The following SLCO6A1 variants were observed in gnomAD, a reference collection of about 807,000 sequenced individuals.
SLCO6A1 encodes solute carrier organic anion transporter family member 6A1.
In SLCO6A1, 65 loss-of-function variants were observed where a neutral mutation model predicts 72.7. The ratio of observed to expected loss-of-function variants is 0.89; its 90% CI spans 0.73 to 1.10. The LOEUF (loss-of-function observed/expected upper bound fraction) is 1.10, where lower values mean the gene tolerates loss of function less well. Ranked by LOEUF, SLCO6A1 falls within the 50% of genes least tolerant of loss-of-function variation. SLCO6A1 has a pLI of 0.00. For synonymous variants in SLCO6A1, 314 were observed against 298.2 expected, an observed-to-expected ratio of 1.05 and a Z score of -0.55; for missense variants, 874 against 872.6, an observed-to-expected ratio of 1.00 and a Z score of -0.02.
chr5:102,459,549 G>T, intron 5 of SLCO6A1, 107 bp downstream of exon 5: 1 of 1,244,430 alleles, frequency 8.0e-7, no homozygotes, highest in Middle Eastern at 2.1e-4. Flanking sequence ...TACAGCGAGA[G>T]GCATACTCAT....
rs150865774 is a variant in SLCO6A1, at chr5:102,420,255, G to A, written c.1277-234C>T. Among the ~76,000 whole-genome samples, 634 of 152,312 alleles carry A rather than the reference G, an allele frequency of 4.2e-3. 6 individuals are homozygous for A. Among genetic ancestry groups the A allele is most frequent in the South Asian group, 0.028 (133 of 4,824 alleles). On this transcript the variant is annotated intron_variant, in intron 7 of 13. Coordinates refer to ENST00000506729, the MANE Select transcript of SLCO6A1 (RefSeq NM_173488.5). ...CTACTGACTTCAGGGCAGTGATGGT[G>A]AAGTTTTGGTCCTTTATAGTAATGC...
chr5:102,374,994 A>T (rs1338972916), intron 12 of SLCO6A1, among the ~76,000 whole-genome samples: 6 of 152,166 alleles, frequency 3.9e-5, no homozygotes, highest in Non-Finnish European at 8.8e-5. Context: ...AGTGGAGGTG[A>T]TCCGACTTTT....
At chr5:102,459,852 G>A (rs11749193) in intron 4 of SLCO6A1, 75 bp from the exon 5 acceptor site, 331,048 of 1,299,414 alleles carry the variant, frequency 0.25, 46,276 homozygotes, top group Middle Eastern at 0.28. Flanking sequence ...CAAACAGAGT[G>A]GAGAAAGTGA....
intron 7 of SLCO6A1, among the ~76,000 whole-genome samples, chr5:102,435,856 C>T (rs948743164): frequency 6.9e-6 from 1 of 143,894 alleles, no homozygotes; most frequent in Non-Finnish European, 1.5e-5. Flanking sequence ...GCCTGGGCAA[C>T]AAGAGTGAAA....
chr5:102,474,950 G>A (rs1751819120), intron 4 of SLCO6A1, among the ~76,000 whole-genome samples: 1 of 152,024 alleles, frequency 6.6e-6, no homozygotes, highest in African/African-American at 2.4e-5. Context: ...TGGTGAGGAT[G>A]TGGAGAAATT....
Position 102,477,690 on chromosome 5 carries a change from G to A in SLCO6A1, c.788C>T (p.Ala263Val), listed in dbSNP as rs1751975923. 6.2e-7 allele frequency: 1 copy of A among 1,612,060 alleles called. No homozygotes were observed. Among genetic ancestry groups the A allele is most frequent in the East Asian group, 2.2e-5 (1 of 44,836 alleles). The change falls in exon 3 of 14, where the codon GCT becomes GTT. Residue 263 changes from alanine (A) to valine (V), a missense_variant. Physicochemically the swap from Ala to Val is moderately conservative, Grantham distance 64. Transcript: ENST00000506729. Reference protein sequence around the residue: ...FIDENVATHSAGIYLGIAECT... With the variant: ...FIDENVATHSVGIYLGIAECT... ...GTAAAACTTGCCTAAATAGATACCA[G>A]CTGAGTGTGTAGCAACATTCTCATC...
rs191768422 is a variant in SLCO6A1 at position 102,477,020 on chromosome 5, T to G, written c.802+656A>C. 5.0e-3 allele frequency among the ~76,000 whole-genome samples: 760 copies of G among 152,278 alleles called. 5 individuals are homozygous for G. The highest frequency in any genetic ancestry group is 0.013 in the South Asian group (61 of 4,830). On this transcript the variant is annotated intron_variant, in intron 3 of 13. Coordinates refer to ENST00000506729, the MANE Select transcript of SLCO6A1 (RefSeq NM_173488.5). ...GTGGCATAGACATTGTAAATAGGGA[T>G]AGTATGCTATTATTAATTAAGTATA...
chr5:102,419,987 C>T lies in SLCO6A1; in HGVS notation c.1311G>A (p.Gln437=). The T allele has an allele frequency of 1.9e-6, 3 of 1,586,072 alleles. No individual in the cohort carries two copies. Among genetic ancestry groups the T allele is most frequent in the Non-Finnish European group, 2.6e-6 (3 of 1,172,162 alleles). The stretch of plus-strand genomic sequence containing the variant: ...TGGAAACAATGACACCTCCCAGAAG[C>T]TGGCCAAGTGCACCTCCTGGAATTA... The part of the protein sequence containing the change: ...LVLIPGGALG[Q]LLGGVIVSTL... Residue 437 remains glutamine (Q), a synonymous_variant, in exon 8 of 14, where the codon CAG becomes CAA. Transcript: ENST00000506729.
At chr5:102,487,661 G>A (rs1752502385) in intron 1 of SLCO6A1, among the ~76,000 whole-genome samples, 1 of 152,116 alleles carries the variant, frequency 6.6e-6, no homozygotes, top group Non-Finnish European at 1.5e-5. Context: ...ATACCAAGTG[G>A]GTGGCAGAAC....
intron 10 of SLCO6A1, 86 bp from the exon 11 acceptor site, chr5:102,391,131 T>A: frequency 7.6e-7 from 1 of 1,313,760 alleles, no homozygotes; most frequent in Non-Finnish European, 1.1e-6. Context: ...AATCATTTTT[T>A]TTTTCTGGTG....
In SLCO6A1 at chr5:102,488,002, C is replaced by A. The variant is rs149650269; in HGVS notation, c.359-7568G>T. ...TTTAAATAAACTATTAATAATAATA[C>A]TTAGCAAAAAGGGAGAAAACTGCAA... On this transcript the variant is annotated intron_variant, in intron 1 of 13. Coordinates refer to ENST00000506729, the MANE Select transcript of SLCO6A1 (RefSeq NM_173488.5). 2.1e-3 allele frequency among the ~76,000 whole-genome samples: 317 copies of A among 152,202 alleles called. 3 individuals are homozygous for A. The highest frequency in any genetic ancestry group is 7.2e-3 in the African/African-American group (301 of 41,526).
chr5:102,385,826 C>CTTTTTTTTTTTTTTTTTTTTT (rs57983218), intron 12 of SLCO6A1, among the ~76,000 whole-genome samples: 2 of 121,216 alleles, frequency 1.6e-5, no homozygotes, highest in Non-Finnish European at 1.7e-5. Context: ...CCTGTTTTTC[C>CTTTTTTTTTTTTTTTTTTTTT]TTTTTTTTTT....
chr5:102,412,049 C>T (rs1260705618), intron 9 of SLCO6A1, among the ~76,000 whole-genome samples: 3 of 152,046 alleles, frequency 2.0e-5, no homozygotes, highest in African/African-American at 7.2e-5. Flanking sequence ...CTGGACATTT[C>T]CTTTCTATTG....
rs190988759 is a variant in SLCO6A1 at position 102,391,927 on chromosome 5, C to T, written c.1815-882G>A. Among the ~76,000 whole-genome samples, 420 of 151,632 alleles carry T rather than the reference C, an allele frequency of 2.8e-3. 2 individuals are homozygous for T. The highest frequency in any genetic ancestry group is 9.7e-3 in the African/African-American group (403 of 41,372). On this transcript the variant is annotated intron_variant, in intron 10 of 13. Coordinates refer to ENST00000506729, the MANE Select transcript of SLCO6A1 (RefSeq NM_173488.5). ...TTTAAAAAAGAAAAAAATGTATAACCGTACATATTAGGAGTTTGGAAAATA... is the reference window on the plus strand; with the variant it reads ...TTTAAAAAAGAAAAAAATGTATAACTGTACATATTAGGAGTTTGGAAAATA...
At chr5:102,469,462 G>GTC (rs1751487700) in intron 4 of SLCO6A1, among the ~76,000 whole-genome samples, 2 of 150,308 alleles carry the variant, frequency 1.3e-5, no homozygotes, top group East Asian at 2.0e-4. Context: ...TGCTCTCTGT[G>GTC]TGTTATTGGT....
intron 7 of SLCO6A1, among the ~76,000 whole-genome samples, chr5:102,430,510 G>T (rs1467300531): frequency 6.6e-6 from 1 of 152,028 alleles, no homozygotes; most frequent in Non-Finnish European, 1.5e-5. Flanking sequence ...TAACATGAAG[G>T]GATGTTGAAT....
intron 1 of SLCO6A1, among the ~76,000 whole-genome samples, 188 bp from the exon 2 acceptor site, chr5:102,480,622 C>T (rs562994124): frequency 8.5e-5 from 13 of 152,134 alleles, no homozygotes; most frequent in African/African-American, 3.1e-4. Context: ...ACAAAATATT[C>T]ACTAATTGAA....
At chr5:102,418,229 CTTTTTGCTAA>C (rs1357801713) in intron 8 of SLCO6A1, among the ~76,000 whole-genome samples, 2 of 151,636 alleles carry the variant, frequency 1.3e-5, no homozygotes, top group African/African-American at 4.8e-5. Flanking sequence ...TATACATATA[CTTTTTGCTAA>C]TTTTTGCTAA....
chr5:102,400,520 G>T (rs1747340824), intron 9 of SLCO6A1, among the ~76,000 whole-genome samples: 1 of 151,926 alleles, frequency 6.6e-6, no homozygotes, highest in Admixed American at 6.6e-5. Flanking sequence ...GTTGTAGGGT[G>T]GATAATTTAA....
Sources: gnomAD v4.1 joint callset for allele counts (sites outside exome capture counted in the v4.1 genomes callset) on GRCh38, gnomAD v4.1.1 for gene constraint, MANE v1.5 for transcripts, NCBI Gene and HGNC (gene_info 2026-07-23, HGNC 2026-07-21) for gene names.